The following RAB21 variants were observed in gnomAD, a reference collection of about 807,000 sequenced individuals.
RAB21 encodes ras-related protein Rab-21.
A neutral mutation model predicts 33.1 loss-of-function variants in RAB21; 13 were observed. That is an observed-to-expected ratio of 0.39 (90% CI 0.26 to 0.62). RAB21 has a LOEUF of 0.62. Among genes scored for constraint, RAB21 ranks in the 20% least tolerant of loss-of-function variants. The probability of loss-of-function intolerance (pLI) is 0.48; values close to 1 mark genes in which losing one functional copy is unlikely to be tolerated. For synonymous variants in RAB21, 91 were observed against 103.7 expected (o/e 0.88, Z 0.74); for missense variants, 234 against 279.1 (o/e 0.84, Z 1.15).
chr12:71,791,862 C>T lies in RAB21; in HGVS notation c.*6189C>T, dbSNP rs1883389667. The T allele has an allele frequency of 6.6e-6, 1 of 152,158 alleles. No individual in the cohort carries two copies. The highest frequency in any genetic ancestry group is 2.4e-5 in the African/African-American group (1 of 41,436). 9.4% of individuals were successfully genotyped at this position (152,158 alleles called of 1,614,324 possible). On this transcript the variant is annotated 3_prime_UTR_variant, in exon 7 of 7. Coordinates refer to ENST00000261263, the MANE Select transcript of RAB21 (RefSeq NM_014999.4). ...ACCAAGGCCAACTAGAATCATACTT[C>T]TTTTTCTGGAAGTTTTTTTTGAGAC...
chr12:71,779,603 A>G (rs915849880), intron 4 of RAB21, among the ~76,000 whole-genome samples: 1 of 152,202 alleles, frequency 6.6e-6, no homozygotes, highest in African/African-American at 2.4e-5. Context: ...CTAGTTCTAT[A>G]TCATTAGGCC....
At position 71,787,797 on chromosome 12, in the gene RAB21, T is replaced by C. The variant is rs1300616881; in HGVS notation, c.*2124T>C. 1 of 152,176 alleles carries C rather than the reference T, an allele frequency of 6.6e-6. No individual in the cohort carries two copies. The highest frequency in any genetic ancestry group is 6.5e-5 in the Admixed American group (1 of 15,274). The allele number at this position is 152,176 out of a possible 1,614,324, so 9.4% of individuals were successfully genotyped here. A position where few individuals can be genotyped will look rare whatever the true frequency, so the allele number is the denominator to read the frequency against. ...GTCTTCTTTTATGGGGTAATTGTAC[T>C]CTGTAGTCTCTTGGTTTCCTGTGAA... is the stretch of plus-strand genomic sequence containing the variant. On this transcript the variant is annotated 3_prime_UTR_variant, in exon 7 of 7. Coordinates refer to ENST00000261263, the MANE Select transcript of RAB21 (RefSeq NM_014999.4).
intron 2 of RAB21, 157 bp from the exon 3 acceptor site, chr12:71,770,435 G>T: frequency 1.6e-6 from 1 of 606,706 alleles, no homozygotes; most frequent in East Asian, 2.9e-5. Flanking sequence ...AAAATTTTGT[G>T]TGTGGCCTGT....
intron 4 of RAB21, among the ~76,000 whole-genome samples, chr12:71,779,126 G>A (rs1169502480): frequency 1.6e-4 from 24 of 152,054 alleles, no homozygotes; most frequent in Admixed American, 1.5e-3. Context: ...CGACACATGC[G>A]TACAGTGAGA....
rs770366275 is a variant in RAB21 at position 71,782,587 on chromosome 12, G to A, written c.464G>A (p.Gly155Glu). 1.6e-5 allele frequency: 26 copies of A among 1,597,670 alleles called. No homozygotes were observed. Among genetic ancestry groups the A allele is most frequent in the Non-Finnish European group, 2.2e-5 (26 of 1,170,358 alleles). The change falls in exon 6 of 7, where the codon GGA (glycine) becomes GAA (glutamate). Residue 155 changes from glycine to glutamate, a missense_variant. Physicochemically the swap from Gly to Glu is moderately conservative, Grantham distance 98. Transcript: ENST00000261263. Reference sequence around the variant, plus strand: ...TTTTTAAGGTATGCAGAATCTGTGGGAGCAAAACATTATCATACTTCAGCC... The same window carrying A: ...TTTTTAAGGTATGCAGAATCTGTGGAAGCAAAACATTATCATACTTCAGCC... ...QEAESYAESV[G>E]AKHYHTSAKQ...
intron 1 of RAB21, among the ~76,000 whole-genome samples, chr12:71,761,986 T>C (rs1424257623): frequency 6.6e-6 from 1 of 152,202 alleles, no homozygotes; most frequent in Non-Finnish European, 1.5e-5. Flanking sequence ...ATTTAAGTGA[T>C]TTATTATAAT....
At position 71,785,378 on chromosome 12, in the gene RAB21, A is replaced by G. The variant is rs140123396; in HGVS notation, c.536-153A>G. Among the ~76,000 whole-genome samples the G allele has an allele frequency of 3.1e-3, 476 of 152,342 alleles. 4 individuals are homozygous for G. The highest frequency in any genetic ancestry group is 0.01 in the African/African-American group (430 of 41,578). On this transcript the variant is annotated intron_variant, in intron 6 of 6. Transcript: ENST00000261263. ...CTAGTTTTTTAAAACATGCAGGTGA[A>G]GCTGTTTTAGTGAGCTGACCCAATG... is the stretch of plus-strand genomic sequence containing the variant.
chr12:71,766,179 A>G (rs1882957987), intron 1 of RAB21, among the ~76,000 whole-genome samples: 1 of 152,168 alleles, frequency 6.6e-6, no homozygotes, highest in Non-Finnish European at 1.5e-5. Context: ...ACCTGGGCAT[A>G]TTGTAGATGT....
At chr12:71,765,144 G>A (rs888020440) in intron 1 of RAB21, among the ~76,000 whole-genome samples, 5 of 152,048 alleles carry the variant, frequency 3.3e-5, no homozygotes, top group East Asian at 1.9e-4. Flanking sequence ...ACTAATTATG[G>A]TCATTCTTGT....
Position 71,796,569 on chromosome 12 carries a change from G to C in RAB21, c.*10896G>C, listed in dbSNP as rs748334776. The C allele has an allele frequency of 7.3e-6, 1 of 137,260 alleles. No homozygotes were observed. The highest frequency in any genetic ancestry group is 1.5e-5 in the Non-Finnish European group (1 of 65,880). 8.5% of individuals were successfully genotyped at this position (137,260 alleles called of 1,614,324 possible). On this transcript the variant is annotated 3_prime_UTR_variant, in exon 7 of 7. Transcript: ENST00000261263. Reference sequence around the variant, plus strand: ...TTAACATAAGATCCCTGACTATAAAGTAAGACTTATTATCTTGTATAGTTT... The same window carrying C: ...TTAACATAAGATCCCTGACTATAAACTAAGACTTATTATCTTGTATAGTTT...
At chr12:71,765,592 A>G in intron 1 of RAB21, among the ~76,000 whole-genome samples, 1 of 151,974 alleles carries the variant, frequency 6.6e-6, no homozygotes, top group East Asian at 1.9e-4. Context: ...CAGTTCTTAG[A>G]TTTAAGTCTT....
At position 71,799,154 on chromosome 12, in the gene RAB21, C is replaced by T. The variant is rs1883505144; in HGVS notation, c.*13481C>T. Reference sequence around the variant, plus strand: ...ATTGTGGTGTTACATCTTCTTTCTCCAGCTTCCCAGGAGTGAAAGGTTGTA... The same window carrying T: ...ATTGTGGTGTTACATCTTCTTTCTCTAGCTTCCCAGGAGTGAAAGGTTGTA... On this transcript the variant is annotated 3_prime_UTR_variant, in exon 7 of 7. Coordinates refer to ENST00000261263, the MANE Select transcript of RAB21 (RefSeq NM_014999.4). The T allele has an allele frequency of 6.6e-6, 1 of 152,238 alleles. No homozygotes were observed. The highest frequency in any genetic ancestry group is 2.1e-4 in the South Asian group (1 of 4,838). 9.4% of individuals were successfully genotyped at this position (152,238 alleles called of 1,614,324 possible). A position where few individuals can be genotyped will look rare whatever the true frequency, so the allele number is the denominator to read the frequency against.
At chr12:71,759,917 G>C (rs1267653615) in intron 1 of RAB21, among the ~76,000 whole-genome samples, 1 of 152,162 alleles carries the variant, frequency 6.6e-6, no homozygotes, top group African/African-American at 2.4e-5. Context: ...CTTTAAAATG[G>C]GAGTACCTTA....
rs982347252 is a variant in RAB21, at chr12:71,798,684, C to T, written c.*13011C>T. On this transcript the variant is annotated 3_prime_UTR_variant, in exon 7 of 7. Transcript: ENST00000261263. ...TATACTGAGATACCAGTTTTTTAACCTATTAATCAAGAAAGACTTTTTAGT... is the reference window on the plus strand; with the variant it reads ...TATACTGAGATACCAGTTTTTTAACTTATTAATCAAGAAAGACTTTTTAGT... The T allele has an allele frequency of 1.3e-5, 2 of 152,016 alleles. No homozygotes were observed. Among genetic ancestry groups the T allele is most frequent in the African/African-American group, 4.8e-5 (2 of 41,404 alleles). The allele number at this position is 152,016 out of a possible 1,614,324, so 9.4% of individuals were successfully genotyped here.
At chr12:71,775,777 C>A (rs892257381) in intron 4 of RAB21, among the ~76,000 whole-genome samples, 4 of 152,122 alleles carry the variant, frequency 2.6e-5, no homozygotes, top group Non-Finnish European at 5.9e-5. Flanking sequence ...CCTCATGACC[C>A]ACCCGCCTCA....
intron 1 of RAB21, among the ~76,000 whole-genome samples, chr12:71,766,084 C>T (rs1453673292): frequency 2.0e-5 from 3 of 152,152 alleles, no homozygotes; most frequent in African/African-American, 7.2e-5. Context: ...ACTAGTGCAT[C>T]ATATATATGA....
intron 3 of RAB21, among the ~76,000 whole-genome samples, chr12:71,771,969 C>A (rs1328895165): frequency 6.7e-6 from 1 of 148,718 alleles, no homozygotes; most frequent in Non-Finnish European, 1.5e-5. Flanking sequence ...GAGTGAGACT[C>A]CATCTCAAAA....
At position 71,754,976 on chromosome 12, in the gene RAB21, C is replaced by G. The variant is rs1417255942; in HGVS notation, c.-154C>G. 1 of 699,762 alleles carries G rather than the reference C, an allele frequency of 1.4e-6. No homozygotes were observed. Among genetic ancestry groups the G allele is most frequent in the South Asian group, 6.3e-5 (1 of 15,964 alleles). 43.3% of individuals were successfully genotyped at this position (699,762 alleles called of 1,614,324 possible). ...TTCATTCTCGGACTTTCCCTCAGCC[C>G]TTCCAGGCCTCGCCCGAGGAGGGCG... On this transcript the variant is annotated 5_prime_UTR_variant, in exon 1 of 7. Transcript: ENST00000261263.
At chr12:71,768,380 C>T (rs1447878116) in intron 1 of RAB21, among the ~76,000 whole-genome samples, 1 of 152,070 alleles carries the variant, frequency 6.6e-6, no homozygotes, top group African/African-American at 2.4e-5. Context: ...CTTCTTTGCA[C>T]TTTCTTCTAT....
Sources: allele counts gnomAD v4.1 joint callset (sites outside exome capture counted in the v4.1 genomes callset), GRCh38; gene constraint gnomAD v4.1.1; transcripts MANE v1.5; gene names NCBI Gene and HGNC (gene_info 2026-07-23, HGNC 2026-07-21).